The following CYB5R1 variants were observed in gnomAD, a reference collection of about 807,000 sequenced individuals.
CYB5R1 encodes cytochrome b5 reductase 1, also known as NADH-cytochrome b5 reductase 1.
CYB5R1 carries 32 observed loss-of-function variants against 37.4 expected under a neutral mutation model. The ratio of observed to expected loss-of-function variants is 0.86; its 90% CI spans 0.65 to 1.15. CYB5R1 has a LOEUF of 1.15. CYB5R1 is among the 50% of genes most tolerant of loss of function. The pLI is 0.00. For missense variants in CYB5R1, 345 were observed against 382.5 expected, an observed-to-expected ratio of 0.90 and a Z score of 0.82; for synonymous variants, 159 against 155.2, an observed-to-expected ratio of 1.02 and a Z score of -0.18.
Position 202,966,918 on chromosome 1 carries a change from C to T in CYB5R1, c.16-20G>A. ...GGGGCTCTGTGGGTAGAGGAGGCAG[C>T]GTGACCGCCAGGCTGGGTAAGAGCC... On this transcript the variant is annotated intron_variant, in intron 1 of 8. Coordinates refer to ENST00000367249, the MANE Select transcript of CYB5R1 (RefSeq NM_016243.3). The T allele has an allele frequency of 5.0e-6, 8 of 1,586,374 alleles. No individual in the cohort carries two copies. The highest frequency in any genetic ancestry group is 2.3e-5 in the East Asian group (1 of 43,858).
rs1204157796 is a variant in CYB5R1 at position 202,966,609 on chromosome 1, T to C, written c.166-9A>G. On this transcript the variant is annotated splice_polypyrimidine_tract_variant and intron_variant, in intron 2 of 8. Transcript: ENST00000367249. ...GTGTTGTGGCTCACAGTCTGGAGGG[T>C]GGAGGACACAAGTGTTTCACCAAGC... is the stretch of plus-strand genomic sequence containing the variant. The C allele has an allele frequency of 1.9e-6, 3 of 1,613,680 alleles. No individual in the cohort carries two copies. The East Asian group carries it at 6.7e-5, about 36-fold the overall frequency.
At chr1:202,966,295 T>C (rs1248499789) in intron 3 of CYB5R1, 1 of 605,852 alleles carries the variant, frequency 1.7e-6, no homozygotes, top group East Asian at 2.8e-5. Context: ...AATTAGCAAA[T>C]CCTGCAGGGA....
At chr1:202,966,108 A>T in intron 3 of CYB5R1, 115 bp from the exon 4 acceptor site, 1 of 741,892 alleles carries the variant, frequency 1.3e-6, no homozygotes, top group Admixed American at 2.2e-5. Context: ...GGTCCCAAGG[A>T]GCTACAAGGC....
Position 202,963,135 on chromosome 1 carries a change from A to G in CYB5R1, c.676T>C (p.Leu226=). ...GGATAGCGGGCCTGCAGTTCCTCTA[A>G]GTCCTCCCGCAAGATGATATCCTTT... ...TEKDIILRED[L]EELQARYPNR... Residue 226 remains leucine (L), a synonymous_variant, in exon 8 of 9, where the codon TTA becomes CTA. Coordinates refer to ENST00000367249, the MANE Select transcript of CYB5R1 (RefSeq NM_016243.3). 1.2e-6 allele frequency: 2 copies of G among 1,614,170 alleles called. No individual in the cohort carries two copies. The highest frequency in any genetic ancestry group is 1.7e-6 in the Non-Finnish European group (2 of 1,180,010).
Position 202,962,401 on chromosome 1 carries a change from C to T in CYB5R1, c.*126G>A. On this transcript the variant is annotated 3_prime_UTR_variant, in exon 9 of 9. Transcript: ENST00000367249. ...GAATATTGTTCCTGCAGGTACTATCCAGATTTCAGCTCTAGATGTAACTGA... is the reference window on the plus strand; with the variant it reads ...GAATATTGTTCCTGCAGGTACTATCTAGATTTCAGCTCTAGATGTAACTGA... 1.7e-6 allele frequency: 2 copies of T among 1,165,902 alleles called. No homozygotes were observed. Among genetic ancestry groups the T allele is most frequent in the Non-Finnish European group, 2.4e-6 (2 of 825,244 alleles). 72.2% of individuals were successfully genotyped at this position (1,165,902 alleles called of 1,614,324 possible). A position where few individuals can be genotyped will look rare whatever the true frequency, so the allele number is the denominator to read the frequency against.
At chr1:202,964,935 C>G in intron 5 of CYB5R1, 1 of 538,084 alleles carries the variant, frequency 1.9e-6, no homozygotes, top group Non-Finnish European at 3.3e-6. Context: ...CTGCTTCTGG[C>G]AAAGTGTCAC....
chr1:202,964,908 G>A (rs1216558771), intron 5 of CYB5R1: 21 of 572,060 alleles, frequency 3.7e-5, no homozygotes, highest in South Asian at 1.2e-4. Context: ...TCAGTTCAGC[G>A]CCACACAATG....
chr1:202,966,393 G>T, intron 3 of CYB5R1, 135 bp downstream of exon 3: 1 of 993,708 alleles, frequency 1.0e-6, no homozygotes, highest in Non-Finnish European at 1.5e-6. Context: ...CAGCTTGGAG[G>T]ATGCAGAGCC....
At chr1:202,962,721 G>T (rs1655016778) in intron 8 of CYB5R1, 22 bp from the exon 9 acceptor site, 2 of 1,613,432 alleles carry the variant, frequency 1.2e-6, no homozygotes, top group African/African-American at 2.7e-5. Flanking sequence ...GGAGAAGAAA[G>T]TACTTAATAC....
At chr1:202,962,741 A>G (rs1252144160) in intron 8 of CYB5R1, 42 bp from the exon 9 acceptor site, 1 of 1,606,824 alleles carries the variant, frequency 6.2e-7, no homozygotes, top group East Asian at 2.2e-5. Flanking sequence ...CTCCAGATAC[A>G]TGCTGGCAAG....
chr1:202,962,920 AGGAGATCACT>A, intron 8 of CYB5R1, 136 bp downstream of exon 8: 1 of 952,602 alleles, frequency 1.0e-6, no homozygotes, highest in South Asian at 1.3e-5. Context: ...GAAAGGGACC[AGGAGATCACT>A]GTGTCTGTGC....
chr1:202,962,249 A>G lies in CYB5R1; in HGVS notation c.*278T>C, dbSNP rs1012289868. The G allele has an allele frequency of 7.9e-6, 3 of 380,604 alleles. No individual in the cohort carries two copies. Among genetic ancestry groups the G allele is most frequent in the African/African-American group, 2.1e-5 (1 of 47,838 alleles). 23.6% of individuals were successfully genotyped at this position (380,604 alleles called of 1,614,324 possible). Reference sequence around the variant, plus strand: ...CTAGCCAATCTTGGACCAAGCGTACATGCTCCCTTCCTTCTTACTCCATGG... The same window carrying G: ...CTAGCCAATCTTGGACCAAGCGTACGTGCTCCCTTCCTTCTTACTCCATGG... On this transcript the variant is annotated 3_prime_UTR_variant, in exon 9 of 9. Transcript: ENST00000367249.
chr1:202,963,216 T>TA (rs1181485331), intron 7 of CYB5R1, 51 bp from the exon 8 acceptor site: 1 of 1,409,870 alleles, frequency 7.1e-7, no homozygotes, highest in Non-Finnish European at 9.9e-7. Context: ...CAGGCCCACA[T>TA]AAAAAGTTTT....
At chr1:202,962,921 G>T in intron 8 of CYB5R1, 145 bp downstream of exon 8, 1 of 953,370 alleles carries the variant, frequency 1.0e-6, no homozygotes, top group Non-Finnish European at 1.7e-6. Flanking sequence ...AAAGGGACCA[G>T]GAGATCACTG....
At chr1:202,965,606 T>C in intron 4 of CYB5R1, 106 bp from the exon 5 acceptor site, 1 of 1,197,832 alleles carries the variant, frequency 8.3e-7, no homozygotes, top group South Asian at 1.6e-5. Flanking sequence ...ATATGTGCTA[T>C]CTTTTCCCCG....
chr1:202,963,355 CA>C, intron 7 of CYB5R1, 190 bp from the exon 8 acceptor site: 2 of 599,238 alleles, frequency 3.3e-6, no homozygotes. Flanking sequence ...TTTATCTACA[CA>C]TTATGAAGGA....
rs192609637 is a variant in CYB5R1, at chr1:202,964,414, T to G, written c.559+198A>C. 523 of 586,836 alleles carry G rather than the reference T, an allele frequency of 8.9e-4. 7 individuals carry two copies. In the East Asian group the frequency reaches 0.015, roughly 17 times the overall value. The allele number at this position is 586,836 out of a possible 1,614,324, so 36.4% of individuals were successfully genotyped here. On this transcript the variant is annotated intron_variant, in intron 6 of 8. Coordinates refer to ENST00000367249, the MANE Select transcript of CYB5R1 (RefSeq NM_016243.3). ...AAGCTCATTTAATTTGTTTCTCTAA[T>G]TCCATCAGTTAAAATTTTTTTTGGT...
chr1:202,965,647 T>TTC, intron 4 of CYB5R1, 147 bp from the exon 5 acceptor site: 2 of 1,065,614 alleles, frequency 1.9e-6, no homozygotes, highest in Non-Finnish European at 2.6e-6. Flanking sequence ...CTTTTTTTTT[T>TTC]TTGAGTCAGA....
rs111586136 is a variant in CYB5R1 at position 202,963,065 on chromosome 1, C to A, written c.745+1G>T. Reference sequence around the variant, plus strand: ...GGGATGTCCAGAAATGGGAAGGATACCTTTTGGGGGATGATCCAGAGTGAA... The same window carrying A: ...GGGATGTCCAGAAATGGGAAGGATAACTTTTGGGGGATGATCCAGAGTGAA... On this transcript the variant is annotated splice_donor_variant, in intron 8 of 8. Coordinates refer to ENST00000367249, the MANE Select transcript of CYB5R1 (RefSeq NM_016243.3). LOFTEE classifies it high-confidence loss of function. The A allele has an allele frequency of 1.2e-6, 2 of 1,613,284 alleles. No homozygotes were observed. The highest frequency in any genetic ancestry group is 2.2e-5 in the South Asian group (2 of 91,066).
Sources: allele counts gnomAD v4.1 joint callset, GRCh38; gene constraint gnomAD v4.1.1; transcripts MANE v1.5; gene names NCBI Gene and HGNC (gene_info 2026-07-23, HGNC 2026-07-21).